Variants in ADAM18 observed in about 807,000 individuals in gnomAD.
ADAM18 encodes ADAM metallopeptidase domain 18.
ADAM18 carries 117 observed loss-of-function variants against 94.4 expected under a neutral mutation model. That is an observed-to-expected ratio of 1.24 (90% confidence interval 1.07 to 1.45). The LOEUF (loss-of-function observed/expected upper bound fraction) is 1.45, where lower values mean the gene tolerates loss of function less well. Ranked by LOEUF, ADAM18 falls within the 40% of genes most tolerant of loss-of-function variation. ADAM18 has a pLI of 0.00. For missense variants in ADAM18, 936 were observed against 880.0 expected (o/e 1.06, Z -0.81); for synonymous variants, 327 against 291.6 (o/e 1.12, Z -1.24).
intron 17 of ADAM18, among the ~76,000 whole-genome samples, 177 bp downstream of exon 17, chr8:39,692,857 G>A (rs1299679281): frequency 6.6e-6 from 1 of 151,560 alleles, no homozygotes; most frequent in Non-Finnish European, 1.5e-5. Flanking sequence ...TACCAGATAC[G>A]TATTGAACTG....
At chr8:39,663,484 A>G (rs1820901660) in intron 12 of ADAM18, among the ~76,000 whole-genome samples, 1 of 149,346 alleles carries the variant, frequency 6.7e-6, no homozygotes, top group African/African-American at 2.5e-5. Context: ...CTCTGGTCCC[A>G]GCTACTCAGG....
chr8:39,596,074 A>G (rs1818733062), intron 2 of ADAM18, among the ~76,000 whole-genome samples: 1 of 152,190 alleles, frequency 6.6e-6, no homozygotes, highest in South Asian at 2.1e-4. Context: ...TATTAGGTTC[A>G]GAGAAAAGAT....
chr8:39,699,243 G>T (rs1019377954), intron 17 of ADAM18, among the ~76,000 whole-genome samples: 1 of 151,956 alleles, frequency 6.6e-6, no homozygotes, highest in Non-Finnish European at 1.5e-5. Context: ...GTTAGTAATT[G>T]CATGTTGAAT....
At chr8:39,614,704 C>G (rs927619925) in intron 6 of ADAM18, among the ~76,000 whole-genome samples, 2 of 152,130 alleles carry the variant, frequency 1.3e-5, no homozygotes, top group African/African-American at 4.8e-5. Context: ...TGTATAATTT[C>G]TTCAAGGGAC....
intron 19 of ADAM18, among the ~76,000 whole-genome samples, chr8:39,727,496 C>T (rs965528287): frequency 5.9e-5 from 9 of 152,290 alleles, no homozygotes; most frequent in Middle Eastern, 6.8e-3. Context: ...TAGAAATTTT[C>T]TCTGCCAGAT....
chr8:39,606,875 C>T (rs1051703044), intron 3 of ADAM18, among the ~76,000 whole-genome samples: 8 of 151,784 alleles, frequency 5.3e-5, no homozygotes, highest in African/African-American at 1.2e-4. Context: ...CGGGCAGGGG[C>T]GGGGAACACA....
At chr8:39,660,560 C>A (rs1820807902) in intron 12 of ADAM18, among the ~76,000 whole-genome samples, 1 of 152,026 alleles carries the variant, frequency 6.6e-6, no homozygotes, top group East Asian at 1.9e-4. Context: ...ATTATAAATG[C>A]ATCCAATACT....
At chr8:39,607,832 G>A (rs1819138418) in intron 3 of ADAM18, among the ~76,000 whole-genome samples, 1 of 146,614 alleles carries the variant, frequency 6.8e-6, no homozygotes, top group African/African-American at 2.5e-5. Context: ...TTTCCCCCTA[G>A]CTATATTCAA....
chr8:39,585,422 T>A, intron 2 of ADAM18, 70 bp downstream of exon 2: 1 of 1,118,570 alleles, frequency 8.9e-7, no homozygotes, highest in Non-Finnish European at 1.3e-6. Flanking sequence ...TTATATTAAG[T>A]CAGATCATAC....
chr8:39,617,077 G>T (rs1224207032), intron 6 of ADAM18, among the ~76,000 whole-genome samples: 2 of 152,004 alleles, frequency 1.3e-5, no homozygotes, highest in Non-Finnish European at 2.9e-5. Context: ...AGAGTAAACA[G>T]ACAACCTACA....
At chr8:39,653,755 T>C (rs1226405447) in intron 12 of ADAM18, among the ~76,000 whole-genome samples, 1 of 152,252 alleles carries the variant, frequency 6.6e-6, no homozygotes, top group African/African-American at 2.4e-5. Flanking sequence ...GTACATGTTA[T>C]ATTTTGATAC....
intron 6 of ADAM18, among the ~76,000 whole-genome samples, chr8:39,618,448 T>C (rs1191885376): frequency 6.6e-6 from 1 of 152,228 alleles, no homozygotes; most frequent in Non-Finnish European, 1.5e-5. Context: ...TATACAGAGA[T>C]AAGAATTTAC....
At chr8:39,656,168 A>G (rs2129579841) in intron 12 of ADAM18, among the ~76,000 whole-genome samples, 1 of 152,222 alleles carries the variant, frequency 6.6e-6, no homozygotes, top group East Asian at 1.9e-4. Context: ...GAAACATGAA[A>G]GGCACAAAGC....
chr8:39,637,265 A>G lies in ADAM18; in HGVS notation c.590A>G (p.Tyr197Cys), dbSNP rs1473332990. 2.5e-6 allele frequency: 4 copies of G among 1,583,258 alleles called. No individual in the cohort carries two copies. Among genetic ancestry groups the G allele is most frequent in the Non-Finnish European group, 3.4e-6 (4 of 1,164,746 alleles). ...EIYIIVEKAL[Y>C]DYMGSEMMAV... ...TGAAAAATAAAATTTCTTTTTCAGTATGATTATATGGGATCTGAAATGATG... is the reference window on the plus strand; with the variant it reads ...TGAAAAATAAAATTTCTTTTTCAGTGTGATTATATGGGATCTGAAATGATG... The change falls in exon 8 of 20, where the codon TAT (tyrosine) becomes TGT (cysteine). Residue 197 changes from tyrosine (Y) to cysteine (C), a missense_variant and splice_region_variant. Physicochemically the swap from Tyr to Cys is radical, Grantham distance 194 (BLOSUM62 -2). Transcript: ENST00000265707.
rs1378575543 is a variant in ADAM18 at position 39,712,042 on chromosome 8, G to A, written c.2017+5138G>A. Among the ~76,000 whole-genome samples the A allele has an allele frequency of 5.4e-5, 6 of 110,652 alleles. No homozygotes were observed. In the East Asian group the frequency reaches 1.2e-3, roughly 22 times the overall value. 72.6% of individuals were successfully genotyped at this position (110,652 alleles called of 152,430 possible). On this transcript the variant is annotated intron_variant, in intron 18 of 19. Coordinates refer to ENST00000265707, the MANE Select transcript of ADAM18 (RefSeq NM_014237.3). ...CTAAAATCAGAGAAGGCCCCCCCCC[G>A]AGAAAAAAACAGTGAAAGATAAAAG...
At chr8:39,709,816 A>G (rs1048818860) in intron 18 of ADAM18, among the ~76,000 whole-genome samples, 41 of 152,342 alleles carry the variant, frequency 2.7e-4, no homozygotes, top group African/African-American at 8.9e-4. Flanking sequence ...TTGCTACATA[A>G]TATCAATTTT....
At chr8:39,644,003 G>T (rs552741264) in intron 10 of ADAM18, among the ~76,000 whole-genome samples, 1 of 151,650 alleles carries the variant, frequency 6.6e-6, no homozygotes, top group Non-Finnish European at 1.5e-5. Flanking sequence ...AATAGGAAAG[G>T]ATACTTATTA....
intron 8 of ADAM18, 76 bp from the exon 9 acceptor site, chr8:39,637,461 G>T (rs1163564264): frequency 1.4e-6 from 2 of 1,420,706 alleles, no homozygotes; most frequent in African/African-American, 2.9e-5. Flanking sequence ...ACTGGAACAT[G>T]TTGTTTATTT....
chr8:39,625,115 A>T (rs1270444316), intron 6 of ADAM18, among the ~76,000 whole-genome samples: 1 of 152,208 alleles, frequency 6.6e-6, no homozygotes, highest in East Asian at 1.9e-4. Context: ...TTGCTTGAAT[A>T]TGTAGATTGC....
Sources: allele counts gnomAD v4.1 joint callset (sites outside exome capture counted in the v4.1 genomes callset), GRCh38; gene constraint gnomAD v4.1.1; transcripts MANE v1.5; gene names NCBI Gene and HGNC (gene_info 2026-07-23, HGNC 2026-07-21).